TMEM38B: variants seen among roughly 807,000 people sequenced by gnomAD.
The protein encoded by TMEM38B is transmembrane protein 38B, also known as trimeric intracellular cation channel type B.
Under a neutral mutation model 28.7 loss-of-function variants are expected in TMEM38B, and 24 were observed. The observed-to-expected ratio is 0.84, with a 90% CI of 0.61 to 1.18. The LOEUF is 1.18. Among genes scored for constraint, TMEM38B ranks in the 50% most tolerant of loss-of-function variants. The pLI is 0.00. For synonymous variants in TMEM38B, 131 were observed against 127.7 expected, an observed-to-expected ratio of 1.03 and a Z score of -0.17; for missense variants, 380 against 350.9, an observed-to-expected ratio of 1.08 and a Z score of -0.66.
intron 1 of TMEM38B, chr9:105,701,010 G>T (rs982730979): frequency 2.0e-5 from 3 of 151,996 alleles, no homozygotes; most frequent in Admixed American, 6.6e-5. Flanking sequence ...AGGGGTCTCA[G>T]TCTGGGCTCT....
In TMEM38B at chr9:105,747,005, G is replaced by A. The variant is rs532325071; in HGVS notation, c.543-1068G>A. 5.9e-4 allele frequency among the ~76,000 whole-genome samples: 90 copies of A among 152,156 alleles called. 1 individual carries two copies. Among genetic ancestry groups the A allele is most frequent in the African/African-American group, 2.0e-3 (81 of 41,508 alleles). On this transcript the variant is annotated intron_variant, in intron 4 of 5. Coordinates refer to ENST00000374692, the MANE Select transcript of TMEM38B (RefSeq NM_018112.3). ...GTATTTTATTGAGAATTTTTGCATC[G>A]ATGTTCATCAGGGGTATTGGTCTAA...
intron 5 of TMEM38B, chr9:105,758,475 G>A: frequency 3.0e-6 from 4 of 1,337,938 alleles, no homozygotes; most frequent in Non-Finnish European, 4.3e-6. Flanking sequence ...AGAAGCAGTG[G>A]ATTGGCTTTA....
intron 5 of TMEM38B, among the ~76,000 whole-genome samples, chr9:105,750,575 C>T (rs991256456): frequency 6.6e-6 from 1 of 152,148 alleles, no homozygotes; most frequent in African/African-American, 2.4e-5. Flanking sequence ...GATTGTGCCA[C>T]TGCACTCAAG....
At position 105,774,662 on chromosome 9, in the gene TMEM38B, A is replaced by T. The variant is rs1258230113; in HGVS notation, c.*582A>T. ...TTAATACCTACATCAAATGGAAAATATCTGAAATTTTTTTTCCATAGCAGG... is the reference window on the plus strand; with the variant it reads ...TTAATACCTACATCAAATGGAAAATTTCTGAAATTTTTTTTCCATAGCAGG... On this transcript the variant is annotated 3_prime_UTR_variant, in exon 6 of 6. Transcript: ENST00000374692. The T allele has an allele frequency of 6.6e-6, 1 of 152,006 alleles. No homozygotes were observed. Among genetic ancestry groups the T allele is most frequent in the Non-Finnish European group, 1.5e-5 (1 of 67,940 alleles). The allele number at this position is 152,006 out of a possible 1,614,324, so 9.4% of individuals were successfully genotyped here.
At chr9:105,760,426 CAT>C in intron 5 of TMEM38B, 1 of 740,170 alleles carries the variant, frequency 1.4e-6, no homozygotes, top group Non-Finnish European at 2.5e-6. Context: ...AAAAAAGGGA[CAT>C]ATTGAAAATC....
rs1287213987 is a variant in TMEM38B, at chr9:105,775,934, G to A, written c.*1854G>A. 2 of 152,106 alleles carry A rather than the reference G, an allele frequency of 1.3e-5. No homozygotes were observed. The highest frequency in any genetic ancestry group is 4.8e-5 in the African/African-American group (2 of 41,400). The allele number at this position is 152,106 out of a possible 1,614,324, so 9.4% of individuals were successfully genotyped here. ...TGATTACTGTTCAAATGGGACATTG[G>A]TAGAAACTTTATTAATCTATGCAAG... On this transcript the variant is annotated 3_prime_UTR_variant, in exon 6 of 6. Transcript: ENST00000374692.
At chr9:105,765,992 G>A (rs1211295420) in intron 5 of TMEM38B, among the ~76,000 whole-genome samples, 3 of 151,858 alleles carry the variant, frequency 2.0e-5, no homozygotes, top group Admixed American at 1.3e-4. Context: ...TAGTAGAGAC[G>A]GGGTTTCACC....
At chr9:105,739,420 A>G (rs1837107972) in intron 4 of TMEM38B, among the ~76,000 whole-genome samples, 1 of 152,170 alleles carries the variant, frequency 6.6e-6, no homozygotes, top group Admixed American at 6.5e-5. Flanking sequence ...CAAAACAAAA[A>G]AAAGTAATCA....
At position 105,762,752 on chromosome 9, in the gene TMEM38B, T is replaced by C. The variant is rs1248265964; in HGVS notation, c.661-11113T>C. Among the ~76,000 whole-genome samples, 3 of 148,958 alleles carry C rather than the reference T, an allele frequency of 2.0e-5. No individual in the cohort carries two copies. In the East Asian group the frequency reaches 6.0e-4, roughly 30 times the overall value. ...TGTGTCTTTATAGCAGCATGATTTATAGTCCTTTGGGTATATACCCAGTAA... is the reference window on the plus strand; with the variant it reads ...TGTGTCTTTATAGCAGCATGATTTACAGTCCTTTGGGTATATACCCAGTAA... On this transcript the variant is annotated intron_variant, in intron 5 of 5. Transcript: ENST00000374692.
At chr9:105,737,036 G>A (rs543933869) in intron 4 of TMEM38B, among the ~76,000 whole-genome samples, 16 of 152,320 alleles carry the variant, frequency 1.1e-4, no homozygotes, top group African/African-American at 3.8e-4. Context: ...CCTTCTTGGT[G>A]TCTGATCTGA....
intron 5 of TMEM38B, among the ~76,000 whole-genome samples, chr9:105,748,653 C>A (rs138725050): frequency 1.7e-3 from 262 of 152,266 alleles, no homozygotes; most frequent in African/African-American, 6.2e-3. Context: ...TAGAGACAGG[C>A]AGTCTTGGGT....
chr9:105,745,500 T>G (rs868748370), intron 4 of TMEM38B, among the ~76,000 whole-genome samples: 1 of 152,252 alleles, frequency 6.6e-6, no homozygotes, highest in Non-Finnish European at 1.5e-5. Context: ...CTTTGACAGA[T>G]AAGTAGATTG....
chr9:105,737,814 G>A (rs1307212339), intron 4 of TMEM38B, among the ~76,000 whole-genome samples: 2 of 152,202 alleles, frequency 1.3e-5, no homozygotes, highest in Non-Finnish European at 2.9e-5. Flanking sequence ...TGTCAGAGGT[G>A]TGACTGCTCT....
At chr9:105,737,191 C>T (rs1697527807) in intron 4 of TMEM38B, among the ~76,000 whole-genome samples, 1 of 152,116 alleles carries the variant, frequency 6.6e-6, no homozygotes, top group Non-Finnish European at 1.5e-5. Flanking sequence ...GCAGATCGGC[C>T]ACAAAGTTAG....
intron 4 of TMEM38B, among the ~76,000 whole-genome samples, chr9:105,743,946 T>C (rs998595347): frequency 1.5e-4 from 23 of 152,302 alleles, no homozygotes; most frequent in African/African-American, 5.5e-4. Flanking sequence ...ATGTACTCTT[T>C]TTGTTGGAGA....
chr9:105,772,167 T>C (rs1189486084), intron 5 of TMEM38B, among the ~76,000 whole-genome samples: 2 of 152,210 alleles, frequency 1.3e-5, no homozygotes, highest in African/African-American at 4.8e-5. Flanking sequence ...TGCTAAAGTA[T>C]CTGCTCAGCT....
At chr9:105,761,057 T>C (rs1401592197) in intron 5 of TMEM38B, among the ~76,000 whole-genome samples, 2 of 152,232 alleles carry the variant, frequency 1.3e-5, no homozygotes. Context: ...TTGAGCTATG[T>C]TCATCAAGAT....
chr9:105,764,466 T>C lies in TMEM38B; in HGVS notation c.661-9399T>C, dbSNP rs148258832. Among the ~76,000 whole-genome samples, 790 of 152,166 alleles carry C rather than the reference T, an allele frequency of 5.2e-3. 4 individuals carry two copies. Among genetic ancestry groups the C allele is most frequent in the Non-Finnish European group, 8.9e-3 (607 of 68,026 alleles). ...CACAAACAGAGAGCCAAATCATGAG[T>C]GAACTGCCATTCACAATTGCTTCAA... On this transcript the variant is annotated intron_variant, in intron 5 of 5. Transcript: ENST00000374692.
At chr9:105,747,196 C>T (rs183067653) in intron 4 of TMEM38B, among the ~76,000 whole-genome samples, 222 of 152,238 alleles carry the variant, frequency 1.5e-3, no homozygotes, top group African/African-American at 5.1e-3. Context: ...GCTGTGAATC[C>T]GTCTGGTCCT....
Sources: allele counts gnomAD v4.1 joint callset (sites outside exome capture counted in the v4.1 genomes callset), GRCh38; gene constraint gnomAD v4.1.1; transcripts MANE v1.5; gene names NCBI Gene and HGNC (gene_info 2026-07-23, HGNC 2026-07-21).